Variants in SLC12A5 observed in about 807,000 individuals in gnomAD.
SLC12A5 encodes the protein solute carrier family 12 member 5.
Under a neutral mutation model 124.0 loss-of-function variants are expected in SLC12A5, and 18 were observed. That is an observed-to-expected ratio of 0.15 (90% confidence interval 0.10 to 0.22). SLC12A5 has a LOEUF of 0.22. SLC12A5 is among the 10% of genes least tolerant of loss of function. The pLI is 1.00. For synonymous variants in SLC12A5, 589 were observed against 568.0 expected, an observed-to-expected ratio of 1.04 and a Z score of -0.53; for missense variants, 867 against 1,478.7, an observed-to-expected ratio of 0.59 and a Z score of 6.78.
chr20:46,026,562 C>T (rs941347653), upstream of SLC12A5, among the ~76,000 whole-genome samples: 2 of 152,180 alleles, frequency 1.3e-5, no homozygotes, highest in Non-Finnish European at 2.9e-5. Flanking sequence ...CTGGGGTCCC[C>T]CCTTGGGACT....
chr20:46,049,802 C>T lies in SLC12A5; in HGVS notation c.2181+12C>T, dbSNP rs1290281931. ...AGCGGGCAGAAGAGGTGAGCAGAGG[C>T]CCTGGTTGGGCTTGGGAAAAGGTCA... On this transcript the variant is annotated intron_variant, in intron 17 of 25. Transcript: ENST00000243964. 1 of 1,575,244 alleles carries T rather than the reference C, an allele frequency of 6.3e-7. No homozygotes were observed. The highest frequency in any genetic ancestry group is 1.9e-5 in the Admixed American group (1 of 53,788).
chr20:46,053,716 C>G lies in SLC12A5; in HGVS notation c.2679+7C>G. 6.4e-7 allele frequency: 1 copy of G among 1,569,566 alleles called. No individual in the cohort carries two copies. The highest frequency in any genetic ancestry group is 8.7e-7 in the Non-Finnish European group (1 of 1,153,930). ...GGTCGAGGTGGTGGAGATGGTGAGT[C>G]CCCAGGAGACACCGCTGGGGTTCCA... On this transcript the variant is annotated splice_region_variant and intron_variant, in intron 20 of 25. Coordinates refer to ENST00000243964, the MANE Select transcript of SLC12A5 (RefSeq NM_020708.5). The surrounding 1 kb of genome is among the most constrained non-coding windows in gnomAD (Gnocchi z 4.7).
chr20:46,044,845 C>T (rs2084579494), intron 11 of SLC12A5, 121 bp from the exon 12 acceptor site: 2 of 1,069,950 alleles, frequency 1.9e-6, no homozygotes, highest in African/African-American at 3.2e-5. Flanking sequence ...CCTCCCCTGT[C>T]ACCCTTACAG....
upstream of SLC12A5, chr20:46,029,077 G>C: frequency 3.2e-6 from 4 of 1,261,168 alleles, no homozygotes; most frequent in Non-Finnish European, 4.0e-6. Flanking sequence ...TCTCCCTCCC[G>C]CTCTCCCCCC....
chr20:46,037,460 A>G, intron 6 of SLC12A5, 75 bp downstream of exon 6: 2 of 1,470,288 alleles, frequency 1.4e-6, no homozygotes, highest in Non-Finnish European at 1.8e-6. Context: ...GACACCTCCT[A>G]TAGGCCAGGC....
chr20:46,049,600 T>C (rs1185872721), intron 16 of SLC12A5, 22 bp from the exon 17 acceptor site: 1 of 1,588,490 alleles, frequency 6.3e-7, no homozygotes, highest in Non-Finnish European at 8.6e-7. Context: ...ATATGGATTA[T>C]GTGACTCTGC....
upstream of SLC12A5, among the ~76,000 whole-genome samples, chr20:46,025,968 G>T (rs1168181698): frequency 6.6e-6 from 1 of 152,150 alleles, no homozygotes; most frequent in African/African-American, 2.4e-5. Context: ...TGTGAAAAGA[G>T]GACCCAGTCC....
chr20:46,030,594 G>T (rs1242634008), intron 1 of SLC12A5, among the ~76,000 whole-genome samples: 1 of 151,960 alleles, frequency 6.6e-6, no homozygotes, highest in Non-Finnish European at 1.5e-5. Flanking sequence ...TGCGCTCAGC[G>T]CCTTCAAACG....
chr20:46,052,050 C>T (rs984987620), intron 18 of SLC12A5, among the ~76,000 whole-genome samples, 180 bp downstream of exon 18: 25 of 152,282 alleles, frequency 1.6e-4, no homozygotes, highest in South Asian at 8.3e-4. Context: ...CTGTGCTGGG[C>T]GCTGGGGACT....
upstream of SLC12A5, among the ~76,000 whole-genome samples, chr20:46,024,692 C>T (rs2084382111): frequency 1.3e-5 from 2 of 152,220 alleles, no homozygotes; most frequent in Non-Finnish European, 2.9e-5. Context: ...TAGGTGAGAA[C>T]ATGACTTACA....
At position 46,057,208 on chromosome 20, in the gene SLC12A5, G is replaced by A. The variant is rs1489037061; in HGVS notation, c.3164G>A (p.Arg1055Gln). The A allele has an allele frequency of 3.1e-6, 5 of 1,614,202 alleles. No individual in the cohort carries two copies. The highest frequency in any genetic ancestry group is 2.2e-5 in the East Asian group (1 of 44,878). The change falls in exon 25 of 26, where the codon CGG becomes CAG. Residue 1055 changes from arginine (R) to glutamine (Q), a missense_variant. Coordinates refer to ENST00000243964, the MANE Select transcript of SLC12A5 (RefSeq NM_020708.5). This position sits in a 1 kb window ranked among gnomAD's most constrained non-coding sequence, Gnocchi z 7.1. ...SNVRRMHTAV[R>Q]LNEVIVKKSR... ...GTGCGGCGCATGCACACGGCCGTGCGGCTGAACGAGGTCATCGTGAAGAAA... is the reference window on the plus strand; with the variant it reads ...GTGCGGCGCATGCACACGGCCGTGCAGCTGAACGAGGTCATCGTGAAGAAA...
upstream of SLC12A5, among the ~76,000 whole-genome samples, chr20:46,024,264 G>A (rs145393644): frequency 2.6e-5 from 4 of 152,126 alleles, no homozygotes; most frequent in African/African-American, 9.6e-5. Flanking sequence ...TTGCCAGCAC[G>A]TTGAAGGGTG....
intron 4 of SLC12A5, chr20:46,036,232 T>C (rs1274219658): frequency 1.9e-5 from 6 of 312,400 alleles, no homozygotes; most frequent in Non-Finnish European, 3.0e-5. Flanking sequence ...AGTTAACATT[T>C]TGGCAGGTCC....
chr20:46,056,989 C>G lies in SLC12A5; in HGVS notation c.3125+78C>G, dbSNP rs1048364143. ...ACCCTCCTCACTCTGTTGTGAACCC[C>G]TAATTGGTGCCACGACCTCTGGGAT... On this transcript the variant is annotated intron_variant, in intron 24 of 25. Transcript: ENST00000243964. The surrounding 1 kb of genome is among the most constrained non-coding windows in gnomAD (Gnocchi z 4.3). 4.4e-6 allele frequency: 7 copies of G among 1,604,620 alleles called. No individual in the cohort carries two copies. The Admixed American group carries it at 1.0e-4, about 23-fold the overall frequency.
rs959921660 is a variant in SLC12A5, at chr20:46,053,507, A to G, written c.2548-71A>G. ...GTGGGAAGAGGGGAAGGGTGAGCGG[A>G]CAGGGCCTGGCCCTGGATCTCCTCA... On this transcript the variant is annotated intron_variant, in intron 19 of 25. Coordinates refer to ENST00000243964, the MANE Select transcript of SLC12A5 (RefSeq NM_020708.5). This position sits in a 1 kb window ranked among gnomAD's most constrained non-coding sequence, Gnocchi z 4.7. The G allele has an allele frequency of 3.1e-6, 5 of 1,588,628 alleles. No individual in the cohort carries two copies. The highest frequency in any genetic ancestry group is 3.4e-5 in the Admixed American group (2 of 59,290).
At chr20:46,052,061 C>T (rs1295330068) in intron 18 of SLC12A5, among the ~76,000 whole-genome samples, 191 bp downstream of exon 18, 2 of 152,210 alleles carry the variant, frequency 1.3e-5, no homozygotes, top group Non-Finnish European at 2.9e-5. Context: ...GCTGGGGACT[C>T]CGCTGTGAAC....
intron 6 of SLC12A5, 86 bp downstream of exon 6, chr20:46,037,471 C>A (rs1336990899): frequency 7.1e-7 from 1 of 1,400,402 alleles, no homozygotes; most frequent in East Asian, 2.6e-5. Context: ...TAGGCCAGGC[C>A]ATTCAGTGAG....
In SLC12A5 at chr20:46,053,849, T is replaced by A; in HGVS notation, c.2679+140T>A. ...CTCATCCATCTCTTAGCCTCTCACA[T>A]ATTCAGCCATCCCTCCCTTCTCTAT... is the stretch of plus-strand genomic sequence containing the variant. On this transcript the variant is annotated intron_variant, in intron 20 of 25. Coordinates refer to ENST00000243964, the MANE Select transcript of SLC12A5 (RefSeq NM_020708.5). This position sits in a 1 kb window ranked among gnomAD's most constrained non-coding sequence, Gnocchi z 4.7. 1 of 975,776 alleles carries A rather than the reference T, an allele frequency of 1.0e-6. No individual in the cohort carries two copies. Among genetic ancestry groups the A allele is most frequent in the Non-Finnish European group, 1.4e-6 (1 of 692,238 alleles). 60.4% of individuals were successfully genotyped at this position (975,776 alleles called of 1,614,324 possible). A position where few individuals can be genotyped will look rare whatever the true frequency, so the allele number is the denominator to read the frequency against.
intron 6 of SLC12A5, among the ~76,000 whole-genome samples, chr20:46,039,997 G>T (rs991360028): frequency 2.0e-5 from 3 of 152,116 alleles, no homozygotes; most frequent in African/African-American, 7.2e-5. Flanking sequence ...AGAAGTAATT[G>T]CTTCCAGCAT....
Sources: allele counts gnomAD v4.1 joint callset (sites outside exome capture counted in the v4.1 genomes callset), GRCh38; gene constraint gnomAD v4.1.1; non-coding constraint Gnocchi (gnomAD v3.1); transcripts MANE v1.5; gene names NCBI Gene and HGNC (gene_info 2026-07-23, HGNC 2026-07-21).